SAMD5: variants seen among roughly 807,000 people sequenced by gnomAD.
The protein encoded by SAMD5 is sterile alpha motif domain-containing protein 5.
In SAMD5, 13 loss-of-function variants were observed where a neutral mutation model predicts 11.3. The observed-to-expected ratio is 1.15, with a 90% confidence interval of 0.75 to 1.83. The LOEUF is 1.83. Among genes scored for constraint, SAMD5 ranks in the 40% most tolerant of loss-of-function variants. The pLI is 0.00. For synonymous variants in SAMD5, 129 were observed against 111.3 expected (o/e 1.16, Z -1.00); for missense variants, 255 against 239.1 (o/e 1.07, Z -0.44).
chr6:147,650,620 A>G (rs1450142388), intron 1 of SAMD5, among the ~76,000 whole-genome samples: 1 of 152,196 alleles, frequency 6.6e-6, no homozygotes, highest in Non-Finnish European at 1.5e-5. Flanking sequence ...ACTCGTGGAA[A>G]AGATTGAGGT....
At chr6:147,825,635 G>A in the SAMD5 span, among the ~76,000 whole-genome samples, 119 of 152,178 alleles carry the variant, frequency 7.8e-4, no homozygotes, top group African/African-American at 2.7e-3. Context: ...TTACAGGTGG[G>A]TAGTATGATC....
intron 1 of SAMD5, among the ~76,000 whole-genome samples, chr6:147,721,579 A>T (rs923189762): frequency 2.0e-5 from 3 of 151,954 alleles, no homozygotes; most frequent in African/African-American, 7.3e-5. Flanking sequence ...GTTTGAGTTC[A>T]TTGTAGATTC....
intron 1 of SAMD5, among the ~76,000 whole-genome samples, chr6:147,708,294 A>G (rs905112608): frequency 2.0e-5 from 3 of 152,200 alleles, no homozygotes; most frequent in Non-Finnish European, 2.9e-5. Context: ...GCCATCCGCG[A>G]GCCAAGGAGT....
the SAMD5 span, among the ~76,000 whole-genome samples, chr6:147,769,267 A>G: frequency 6.6e-6 from 1 of 152,262 alleles, no homozygotes; most frequent in Non-Finnish European, 1.5e-5. Flanking sequence ...CAACGAATCA[A>G]GTGCTCCCCA....
chr6:147,683,608 A>G (rs976882991), intron 1 of SAMD5, among the ~76,000 whole-genome samples: 1 of 151,996 alleles, frequency 6.6e-6, no homozygotes, highest in African/African-American at 2.4e-5. Context: ...TTTTGCATGG[A>G]TCACCTTCCT....
At chr6:147,724,940 A>G (rs1791605173) in intron 1 of SAMD5, among the ~76,000 whole-genome samples, 1 of 152,122 alleles carries the variant, frequency 6.6e-6, no homozygotes, top group Admixed American at 6.5e-5. Flanking sequence ...AAACTAGCTA[A>G]TGTATGAGTT....
chr6:147,615,949 A>C (rs2128449585), intron 1 of SAMD5, among the ~76,000 whole-genome samples: 1 of 152,160 alleles, frequency 6.6e-6, no homozygotes, highest in South Asian at 2.1e-4. Flanking sequence ...AAAATGCTGC[A>C]GAGGCTCTGG....
intron 1 of SAMD5, among the ~76,000 whole-genome samples, chr6:147,640,364 G>T (rs1242386977): frequency 1.3e-5 from 2 of 151,166 alleles, no homozygotes; most frequent in East Asian, 1.9e-4. Flanking sequence ...GGGTGTGGTG[G>T]TGTACACCTG....
At chr6:147,832,610 G>A in the SAMD5 span, among the ~76,000 whole-genome samples, 10 of 152,126 alleles carry the variant, frequency 6.6e-5, no homozygotes, top group African/African-American at 1.2e-4. Flanking sequence ...GTCACACCCC[G>A]TTCCAGACCT....
chr6:147,513,569 T>G (rs1788121535), intron 1 of SAMD5, among the ~76,000 whole-genome samples: 1 of 152,170 alleles, frequency 6.6e-6, no homozygotes, highest in African/African-American at 2.4e-5. Flanking sequence ...CAGCTGTGAC[T>G]ACAGATGAGC....
At chr6:147,924,755 A>C in the SAMD5 span, among the ~76,000 whole-genome samples, 1 of 150,440 alleles carries the variant, frequency 6.6e-6, no homozygotes, top group Admixed American at 6.6e-5. Context: ...AGATCTTGTG[A>C]GGATAGGTGT....
At chr6:147,874,975 G>C in the SAMD5 span, among the ~76,000 whole-genome samples, 3 of 152,032 alleles carry the variant, frequency 2.0e-5, no homozygotes, top group Non-Finnish European at 4.4e-5. Context: ...AATGGTAAGA[G>C]AGGAACTCTC....
the SAMD5 span, among the ~76,000 whole-genome samples, chr6:147,769,811 CTG>C: frequency 6.6e-6 from 1 of 152,260 alleles, no homozygotes; most frequent in Non-Finnish European, 1.5e-5. Context: ...TTTTCTTGGT[CTG>C]TCTCAAGAAA....
intron 1 of SAMD5, among the ~76,000 whole-genome samples, chr6:147,533,462 C>CAAAAA (rs57455955): frequency 4.5e-5 from 4 of 89,476 alleles, no homozygotes; most frequent in East Asian, 2.8e-4. Context: ...AATTCCATCT[C>CAAAAA]AAAAAAAAAA....
the SAMD5 span, among the ~76,000 whole-genome samples, chr6:147,879,770 G>A: frequency 6.6e-6 from 1 of 152,132 alleles, no homozygotes; most frequent in African/African-American, 2.4e-5. Context: ...GCGCAAATAA[G>A]CATGTTCACC....
At chr6:147,647,213 T>C (rs12526102) in intron 1 of SAMD5, among the ~76,000 whole-genome samples, 13,519 of 151,982 alleles carry the variant, frequency 0.089, 896 homozygotes, top group East Asian at 0.26. Context: ...TATTACTCAT[T>C]AAGTAAAAAT....
At chr6:147,783,739 G>C in the SAMD5 span, among the ~76,000 whole-genome samples, 2 of 152,038 alleles carry the variant, frequency 1.3e-5, no homozygotes, top group Middle Eastern at 3.2e-3. Context: ...TTCACTTTCT[G>C]GTTAGCTTGT....
chr6:147,550,172 G>T (rs1788747385), intron 1 of SAMD5, among the ~76,000 whole-genome samples: 1 of 152,048 alleles, frequency 6.6e-6, no homozygotes, highest in African/African-American at 2.4e-5. Context: ...GAGCCCAGGA[G>T]TTTGAGGTTA....
chr6:147,726,850 C>T (rs1365191879), intron 1 of SAMD5, among the ~76,000 whole-genome samples: 3 of 152,144 alleles, frequency 2.0e-5, no homozygotes, highest in Admixed American at 2.0e-4. Context: ...TATAACAGCT[C>T]CATGCTATTA....
Sources: gnomAD v4.1 joint callset for allele counts (sites outside exome capture counted in the v4.1 genomes callset) on GRCh38, gnomAD v4.1.1 for gene constraint, MANE v1.5 for transcripts, NCBI Gene and HGNC (gene_info 2026-07-23, HGNC 2026-07-21) for gene names.